The following NID1 variants were observed in gnomAD, a reference collection of about 807,000 sequenced individuals.
The protein encoded by NID1 is nidogen 1.
Under a neutral mutation model 130.6 loss-of-function variants are expected in NID1, and 76 were observed. That is an observed-to-expected ratio of 0.58 (90% CI 0.48 to 0.70). NID1 has a LOEUF of 0.70. Ranked by LOEUF, NID1 falls within the 30% of genes least tolerant of loss-of-function variation. The pLI is 0.00. For missense variants in NID1, 1,517 were observed against 1,664.8 expected (o/e 0.91, Z 1.54); for synonymous variants, 665 against 675.1 (o/e 0.98, Z 0.23).
At chr1:236,041,186 G>A (rs1210986310) in intron 4 of NID1, among the ~76,000 whole-genome samples, 1 of 152,052 alleles carries the variant, frequency 6.6e-6, no homozygotes, top group Non-Finnish European at 1.5e-5. Context: ...TCCTGCCTCA[G>A]CCTCCCAAGT....
chr1:236,054,507 G>A (rs913736828), intron 1 of NID1, among the ~76,000 whole-genome samples: 2 of 152,142 alleles, frequency 1.3e-5, no homozygotes, highest in African/African-American at 2.4e-5. Flanking sequence ...TGTGGGCTTT[G>A]TCTGGGCCCT....
At chr1:235,981,893 A>C (rs1203983288) in intron 15 of NID1, 111 bp from the exon 16 acceptor site, 10 of 962,580 alleles carry the variant, frequency 1.0e-5, no homozygotes, top group Non-Finnish European at 1.5e-5. Context: ...CCTGCACTTT[A>C]AGAAACCAAA....
chr1:235,995,184 A>G (rs1302220938), intron 12 of NID1, among the ~76,000 whole-genome samples: 1 of 152,258 alleles, frequency 6.6e-6, no homozygotes, highest in Non-Finnish European at 1.5e-5. Flanking sequence ...TGTACTGAAC[A>G]TGAACAGATT....
At chr1:235,996,101 C>T (rs1657911868) in intron 12 of NID1, among the ~76,000 whole-genome samples, 1 of 152,144 alleles carries the variant, frequency 6.6e-6, no homozygotes, top group African/African-American at 2.4e-5. Flanking sequence ...CTGCAGTGAG[C>T]CATGTTCAGG....
chr1:235,990,715 G>A (rs547837558), intron 14 of NID1, among the ~76,000 whole-genome samples, 171 bp downstream of exon 14: 1 of 152,134 alleles, frequency 6.6e-6, no homozygotes, highest in East Asian at 2.0e-4. Flanking sequence ...AAGATCACGA[G>A]CAGCTCAGCA....
chr1:236,001,288 G>A (rs1271669418), intron 12 of NID1, among the ~76,000 whole-genome samples: 4 of 152,030 alleles, frequency 2.6e-5, no homozygotes, highest in African/African-American at 7.3e-5. Context: ...TGTATTTTTA[G>A]TAGAGACGGG....
At position 235,979,758 on chromosome 1, in the gene NID1, G is replaced by T; in HGVS notation, c.3509+64C>A. 1 of 1,588,276 alleles carries T rather than the reference G, an allele frequency of 6.3e-7. No homozygotes were observed. Among genetic ancestry groups the T allele is most frequent in the Non-Finnish European group, 8.6e-7 (1 of 1,160,354 alleles). On this transcript the variant is annotated intron_variant, in intron 18 of 19. Transcript: ENST00000264187. This position sits in a 1 kb window ranked among gnomAD's most constrained non-coding sequence, Gnocchi z 4.6. ...CAAGAGGCCAGATGGGAAGGGCCTG[G>T]CCTCCCAGAGACAGTGGGTGGAGGG...
intron 7 of NID1, among the ~76,000 whole-genome samples, chr1:236,027,586 T>A (rs1481344544): frequency 6.6e-6 from 1 of 152,190 alleles, no homozygotes; most frequent in Non-Finnish European, 1.5e-5. Context: ...CACGGCACTT[T>A]GGGAGGCTGA....
chr1:235,993,518 TG>T, intron 13 of NID1, 126 bp downstream of exon 13: 1 of 851,290 alleles, frequency 1.2e-6, no homozygotes, highest in Non-Finnish European at 1.8e-6. Context: ...CAGGAGCGGG[TG>T]GGGCTGGAGC....
intron 15 of NID1, among the ~76,000 whole-genome samples, chr1:235,982,342 T>G (rs1030284459): frequency 9.9e-5 from 15 of 151,910 alleles, no homozygotes; most frequent in Admixed American, 1.3e-4. Context: ...TGGTCAGAGA[T>G]GAAGGTAGGA....
At chr1:236,039,155 A>C (rs1659370277) in intron 4 of NID1, among the ~76,000 whole-genome samples, 2 of 142,608 alleles carry the variant, frequency 1.4e-5, no homozygotes, top group Admixed American at 1.4e-4. Context: ...ATTATAATAC[A>C]TTATAACAGA....
chr1:236,014,303 A>T (rs1658523923), intron 10 of NID1, among the ~76,000 whole-genome samples: 2 of 151,876 alleles, frequency 1.3e-5, no homozygotes, highest in African/African-American at 4.8e-5. Context: ...TGGAGGAAAA[A>T]CATGAGTCCT....
intron 1 of NID1, among the ~76,000 whole-genome samples, chr1:236,061,754 T>C (rs1362357177): frequency 1.2e-4 from 18 of 152,162 alleles, no homozygotes. Context: ...CGATTTTTTT[T>C]TAATGACCAA....
intron 9 of NID1, among the ~76,000 whole-genome samples, chr1:236,020,099 TA>T (rs966539177): frequency 6.6e-6 from 1 of 150,714 alleles, no homozygotes; most frequent in African/African-American, 2.4e-5. Flanking sequence ...GCCAGGTCCT[TA>T]ACCCTTTCTT....
chr1:236,061,189 G>T (rs1328723013), intron 1 of NID1, among the ~76,000 whole-genome samples: 2 of 152,174 alleles, frequency 1.3e-5, no homozygotes, highest in Non-Finnish European at 2.9e-5. Flanking sequence ...TTTAATTACT[G>T]TTTCAGGCAA....
chr1:236,032,289 C>A lies in NID1; in HGVS notation c.1537+112G>T, dbSNP rs190210549. ...CCTGTCTACAGACAAAAAGGAGCAA[C>A]AACATGCTTCTAAGTTGTCTGCAGA... On this transcript the variant is annotated intron_variant, in intron 6 of 19. Transcript: ENST00000264187. 2.2e-3 allele frequency: 3,031 copies of A among 1,365,952 alleles called. 4 individuals are homozygous for A. Among genetic ancestry groups the A allele is most frequent in the Non-Finnish European group, 2.6e-3 (2,586 of 995,886 alleles). The allele number at this position is 1,365,952 out of a possible 1,614,324, so 84.6% of individuals were successfully genotyped here.
At position 236,041,941 on chromosome 1, in the gene NID1, T is replaced by C; in HGVS notation, c.1104A>G (p.Ile368Met). Residue 368 changes from isoleucine (I) to methionine (M), a missense_variant, in exon 4 of 20, where the codon ATA (isoleucine) becomes ATG (methionine). Around this residue, in one of 3 missense-constraint regions of NID1, gnomAD observed 1,329 missense variants for 1,429.2 expected, o/e 0.93. Transcript: ENST00000264187. Reference protein sequence around the residue: ...ETFHQQHPQVIDVDEVEETGV... With the variant: ...ETFHQQHPQVMDVDEVEETGV... ...CTGTTTCCTCAACTTCATCCACATC[T>C]ATGACCTGAGGGTGCTGCTGGTGAA... 1 of 1,613,494 alleles carries C rather than the reference T, an allele frequency of 6.2e-7. No individual in the cohort carries two copies. Among genetic ancestry groups the C allele is most frequent in the Non-Finnish European group, 8.5e-7 (1 of 1,179,716 alleles).
chr1:236,018,358 AG>A (rs1376720621), intron 9 of NID1, among the ~76,000 whole-genome samples: 1 of 152,232 alleles, frequency 6.6e-6, no homozygotes, highest in Non-Finnish European at 1.5e-5. Context: ...GATGGAGGTC[AG>A]AGAAGCACCC....
chr1:235,999,946 G>A (rs1235798746), intron 12 of NID1, among the ~76,000 whole-genome samples: 1 of 152,180 alleles, frequency 6.6e-6, no homozygotes, highest in African/African-American at 2.4e-5. Flanking sequence ...GGGCCCTGTG[G>A]CTCTCGCCTG....
Sources: allele counts gnomAD v4.1 joint callset (sites outside exome capture counted in the v4.1 genomes callset), GRCh38; gene constraint gnomAD v4.1.1; regional missense constraint gnomAD v4.1.1; non-coding constraint Gnocchi (gnomAD v3.1); transcripts MANE v1.5; gene names NCBI Gene and HGNC (gene_info 2026-07-23, HGNC 2026-07-21).